Variants in MALL observed in about 807,000 individuals in gnomAD.
MALL encodes mal, T cell differentiation protein like, also known as MAL-like protein.
MALL carries 2 observed loss-of-function variants against 10.3 expected under a neutral mutation model. The observed-to-expected ratio is 0.19, with a 90% CI of 0.08 to 0.61. The LOEUF (loss-of-function observed/expected upper bound fraction) is 0.61. Among genes scored for constraint, MALL ranks in the 20% least tolerant of loss-of-function variants. MALL has a pLI of 0.88. For missense variants in MALL, 39 were observed against 115.2 expected (o/e 0.34, Z 3.03); for synonymous variants, 27 against 51.8 (o/e 0.52, Z 2.05).
At chr2:110,106,175 G>A (rs1259138863) in intron 1 of MALL, among the ~76,000 whole-genome samples, 1 of 152,164 alleles carries the variant, frequency 6.6e-6, no homozygotes, top group Non-Finnish European at 1.5e-5. Flanking sequence ...CTAGTGACAA[G>A]GTTGACAGTT....
intron 1 of MALL, among the ~76,000 whole-genome samples, chr2:110,112,534 A>G (rs983719088): frequency 3.9e-5 from 6 of 152,132 alleles, no homozygotes; most frequent in Non-Finnish European, 8.8e-5. Flanking sequence ...ACATTGTGAA[A>G]CCACCTTACT....
intron 1 of MALL, among the ~76,000 whole-genome samples, chr2:110,103,868 C>T (rs1208691077): frequency 1.3e-5 from 2 of 152,126 alleles, no homozygotes; most frequent in Non-Finnish European, 2.9e-5. Context: ...GCCGGAGTGG[C>T]CAGGGATGCG....
At chr2:110,098,831 T>C (rs1174772298) in intron 1 of MALL, among the ~76,000 whole-genome samples, 1 of 152,040 alleles carries the variant, frequency 6.6e-6, no homozygotes, top group Non-Finnish European at 1.5e-5. Flanking sequence ...GGCAAAACCC[T>C]GTCTCTAAAA....
intron 1 of MALL, among the ~76,000 whole-genome samples, chr2:110,114,038 G>C (rs575520210): frequency 5.3e-5 from 8 of 152,180 alleles, no homozygotes; most frequent in African/African-American, 1.7e-4. Flanking sequence ...GCTCTTCCAG[G>C]AGTTTCACTG....
In MALL at chr2:110,115,809, G is replaced by A. The variant is rs370927955; in HGVS notation, c.-17C>T. ...CGAGGCCATGCTGTCAGCCCCTGCC[G>A]GGTGCTCCGCGGCAGCTCGCCCGCG... On this transcript the variant is annotated 5_prime_UTR_variant, in exon 1 of 4. Transcript: ENST00000272462. 4 of 1,219,322 alleles carry A rather than the reference G, an allele frequency of 3.3e-6. No individual in the cohort carries two copies. The highest frequency in any genetic ancestry group is 1.6e-5 in the African/African-American group (1 of 63,956). The allele number at this position is 1,219,322 out of a possible 1,614,324, so 75.5% of individuals were successfully genotyped here.
chr2:110,096,697 A>C (rs1371564848), intron 1 of MALL, among the ~76,000 whole-genome samples: 2 of 149,140 alleles, frequency 1.3e-5, no homozygotes, highest in East Asian at 3.9e-4. Flanking sequence ...TTGGTCACCA[A>C]GAAAAATGTA....
chr2:110,097,400 A>G, intron 1 of MALL: 1 of 447,360 alleles, frequency 2.2e-6, no homozygotes, highest in Non-Finnish European at 4.4e-6. Flanking sequence ...ATGTAAATTT[A>G]AAAAGAAAAG....
At chr2:110,104,474 C>T (rs1178777276) in intron 1 of MALL, among the ~76,000 whole-genome samples, 1 of 152,164 alleles carries the variant, frequency 6.6e-6, no homozygotes, top group Non-Finnish European at 1.5e-5. Context: ...TTTTGTATCG[C>T]CAGTGCTTGG....
intron 1 of MALL, among the ~76,000 whole-genome samples, chr2:110,099,645 C>T (rs1408952826): frequency 2.6e-5 from 4 of 152,064 alleles, no homozygotes; most frequent in Non-Finnish European, 5.9e-5. Context: ...ATGTCACTGC[C>T]CATGCCATTA....
chr2:110,103,980 G>T (rs1019605368), intron 1 of MALL, among the ~76,000 whole-genome samples: 3 of 152,178 alleles, frequency 2.0e-5, no homozygotes, highest in African/African-American at 7.2e-5. Context: ...CTTGGAGGGA[G>T]GCTGGGATGT....
chr2:110,115,831 C>G (rs1678907934), upstream of MALL: 1 of 978,576 alleles, frequency 1.0e-6, no homozygotes, highest in South Asian at 5.3e-5. Context: ...GCAGCTCGCC[C>G]GCGCGCAGCC....
At chr2:110,104,370 C>G (rs918275193) in intron 1 of MALL, among the ~76,000 whole-genome samples, 4 of 152,166 alleles carry the variant, frequency 2.6e-5, no homozygotes, top group African/African-American at 9.7e-5. Context: ...TGGACCGTGA[C>G]AGGCACAGCG....
chr2:110,104,262 C>G (rs1678639372), intron 1 of MALL, among the ~76,000 whole-genome samples: 1 of 152,136 alleles, frequency 6.6e-6, no homozygotes, highest in African/African-American at 2.4e-5. Flanking sequence ...TGTTCAGTGA[C>G]CCCTTTCTGT....
At chr2:110,102,424 C>T (rs1364532766) in intron 1 of MALL, among the ~76,000 whole-genome samples, 5 of 152,160 alleles carry the variant, frequency 3.3e-5, no homozygotes, top group African/African-American at 1.2e-4. Flanking sequence ...GGAGGCAGGA[C>T]TGTGTGCCCT....
intron 1 of MALL, among the ~76,000 whole-genome samples, chr2:110,107,482 A>T (rs1363294974): frequency 6.6e-6 from 1 of 152,120 alleles, no homozygotes. Flanking sequence ...TCCTAAGTGC[A>T]CAACTCCAGT....
intron 1 of MALL, among the ~76,000 whole-genome samples, chr2:110,105,478 T>C (rs3976244): frequency 0.39 from 59,591 of 152,082 alleles, 11,919 homozygotes; most frequent in Admixed American, 0.44. Flanking sequence ...TCCCATGTCC[T>C]GCAGGAGAAC....
chr2:110,116,520 C>T (rs959529787), upstream of MALL: 17 of 152,544 alleles, frequency 1.1e-4, no homozygotes, highest in Admixed American at 2.6e-4. Flanking sequence ...AGGACCACAC[C>T]GGCAGGCACC....
intron 1 of MALL, among the ~76,000 whole-genome samples, chr2:110,095,034 C>T (rs1292276760): frequency 7.0e-6 from 1 of 142,578 alleles, no homozygotes; most frequent in African/African-American, 2.6e-5. Context: ...AAGTCACTCA[C>T]TTCTTATTTC....
chr2:110,117,628 A>T (rs202203194), upstream of MALL, among the ~76,000 whole-genome samples: 36,408 of 100,698 alleles, frequency 0.36, 5,076 homozygotes, highest in East Asian at 0.47. Context: ...TGTGTGTGAG[A>T]GAGAGAGAGA....
Sources: allele counts gnomAD v4.1 joint callset (sites outside exome capture counted in the v4.1 genomes callset), GRCh38; gene constraint gnomAD v4.1.1; transcripts MANE v1.5; gene names NCBI Gene and HGNC (gene_info 2026-07-23, HGNC 2026-07-21).